Variants in CABYR observed in about 807,000 individuals in gnomAD.
The protein encoded by CABYR is calcium binding tyrosine phosphorylation regulated.
In CABYR, 31 loss-of-function variants were observed where a neutral mutation model predicts 36.1. The ratio of observed to expected loss-of-function variants is 0.86; its 90% CI spans 0.64 to 1.16. The LOEUF is 1.16. Among genes scored for constraint, CABYR ranks in the 50% most tolerant of loss-of-function variants. The probability of loss-of-function intolerance (pLI) is 0.00; values close to 1 mark genes in which losing one functional copy is unlikely to be tolerated. For synonymous variants in CABYR, 146 were observed against 160.7 expected (o/e 0.91, Z 0.69); for missense variants, 429 against 455.8 (o/e 0.94, Z 0.53).
At position 24,159,983 on chromosome 18, in the gene CABYR, A is replaced by C. The variant is rs775634444; in HGVS notation, c.1053A>C (p.Lys351Asn). ...AAAAAAGTTCAGGATCTGGTGACAA[A>C]TGTGCTCCCTTTGGAAGTTACGGTA... The part of the protein sequence containing the change: ...VAKKSSGSGD[K>N]CAPFGSYGIA... Residue 351 changes from lysine (K) to asparagine (N), a missense_variant, in exon 5 of 6, where the codon AAA becomes AAC. Lys to Asn is a moderately conservative substitution (Grantham distance 94). Transcript: ENST00000399496. 6.2e-7 allele frequency: 1 copy of C among 1,614,220 alleles called. No individual in the cohort carries two copies. Among genetic ancestry groups the C allele is most frequent in the Non-Finnish European group, 8.5e-7 (1 of 1,180,040 alleles).
chr18:24,159,353 T>A (rs1599401217), intron 4 of CABYR, 119 bp from the exon 5 acceptor site: 2 of 709,770 alleles, frequency 2.8e-6, no homozygotes, highest in East Asian at 5.0e-5. Context: ...TATAGCATGC[T>A]CTACGGTACA....
At chr18:24,139,171 T>G (rs1271857945) in intron 1 of CABYR, 53 bp downstream of exon 1, 1 of 145,638 alleles carries the variant, frequency 6.9e-6, no homozygotes, top group Non-Finnish European at 1.5e-5. Flanking sequence ...GACCATTATG[T>G]CTCAGGGAGT....
At chr18:24,154,102 C>CAAA (rs33985751) in intron 3 of CABYR, among the ~76,000 whole-genome samples, 22,809 of 57,014 alleles carry the variant, frequency 0.4, 6,873 homozygotes, top group Non-Finnish European at 0.52. Context: ...GACTCCATCT[C>CAAA]AAAAAAAAAA....
intron 3 of CABYR, 37 bp downstream of exon 3, chr18:24,143,450 G>C: frequency 8.3e-7 from 1 of 1,206,834 alleles, no homozygotes; most frequent in Non-Finnish European, 1.2e-6. Flanking sequence ...TAATAATGAT[G>C]TTTATTAATT....
intron 3 of CABYR, among the ~76,000 whole-genome samples, chr18:24,143,833 T>A (rs942269859): frequency 1.3e-5 from 2 of 152,032 alleles, no homozygotes; most frequent in African/African-American, 4.8e-5. Context: ...GAATTGGATT[T>A]CATAGTTATA....
At chr18:24,159,411 C>G (rs1399437528) in intron 4 of CABYR, 61 bp from the exon 5 acceptor site, 1 of 1,109,066 alleles carries the variant, frequency 9.0e-7, no homozygotes, top group Non-Finnish European at 1.3e-6. Flanking sequence ...AAAGACATTA[C>G]TATGCATAGT....
At chr18:24,156,275 G>A (rs770506273) in intron 4 of CABYR, 59 of 1,614,002 alleles carry the variant, frequency 3.7e-5, no homozygotes, top group African/African-American at 9.3e-5. Context: ...AACCATCAAC[G>A]GCTTCCTCAG....
At position 24,145,249 on chromosome 18, in the gene CABYR, GGA is replaced by G. The variant is rs1251407078; in HGVS notation, c.199+1841_199+1842del. Among the ~76,000 whole-genome samples the G allele has an allele frequency of 4.6e-5, 7 of 152,256 alleles. No individual in the cohort carries two copies. The East Asian group carries it at 1.2e-3, about 25-fold the overall frequency. ...GTGCTAGGTGAAATTCAGCAGAGAG[GGA>G]GAGATTTTTCATTTCAGCTATGATA... is the stretch of plus-strand genomic sequence containing the variant. On this transcript the variant is annotated intron_variant, in intron 3 of 5. Transcript: ENST00000399496.
At chr18:24,146,043 C>T (rs749739326) in intron 3 of CABYR, among the ~76,000 whole-genome samples, 3 of 152,138 alleles carry the variant, frequency 2.0e-5, no homozygotes, top group Non-Finnish European at 4.4e-5. Context: ...TTCCAGCATA[C>T]AGTTAAAAAC....
Position 24,149,743 on chromosome 18 carries a change from G to A in CABYR, c.200-5958G>A, listed in dbSNP as rs138769888. Among the ~76,000 whole-genome samples, 95 of 152,216 alleles carry A rather than the reference G, an allele frequency of 6.2e-4. 2 individuals are homozygous for A. The highest frequency in any genetic ancestry group is 2.1e-4 in the Non-Finnish European group (14 of 68,034). Reference sequence around the variant, plus strand: ...CCGGCGAGAAATCAAGCACAGCGCCGGTGGGCTGGCACTGCTGGGGGACCC... The same window carrying A: ...CCGGCGAGAAATCAAGCACAGCGCCAGTGGGCTGGCACTGCTGGGGGACCC... On this transcript the variant is annotated intron_variant, in intron 3 of 5. Transcript: ENST00000399496.
intron 3 of CABYR, among the ~76,000 whole-genome samples, chr18:24,152,461 A>G (rs2145873359): frequency 6.6e-6 from 1 of 152,322 alleles, no homozygotes; most frequent in African/African-American, 2.4e-5. Context: ...ACTATGAGAA[A>G]GTTGCAGGGA....
intron 3 of CABYR, among the ~76,000 whole-genome samples, chr18:24,153,822 G>A (rs1176673525): frequency 1.3e-5 from 2 of 151,826 alleles, no homozygotes; most frequent in African/African-American, 4.8e-5. Context: ...AAGATTTTTC[G>A]GCTGGGTGCG....
Position 24,159,610 on chromosome 18 carries a change from T to TA in CABYR, c.681dup (p.Pro228ThrfsTer2). On this transcript the variant is annotated frameshift_variant, in exon 5 of 6. Transcript: ENST00000399496. LOFTEE classifies it high-confidence loss of function. ...CCTTTTCCCCAAGCAACCCTCTATT[T>TA]ACCTAATCCTAAGGATCCACAGTTT... 1.9e-6 allele frequency: 3 copies of TA among 1,614,074 alleles called. No individual in the cohort carries two copies. The highest frequency in any genetic ancestry group is 2.5e-6 in the Non-Finnish European group (3 of 1,180,022).
At chr18:24,160,202 TGGGGTTACTGTCTCC>T (rs2085918304) in intron 5 of CABYR, 133 bp downstream of exon 5, 1 of 677,194 alleles carries the variant, frequency 1.5e-6, no homozygotes, top group African/African-American at 1.8e-5. Context: ...TCTAACTTCC[TGGGGTTACTGTCTCC>T]AACTTCCTAA....
At chr18:24,147,252 CAAAA>C (rs5823414) in intron 3 of CABYR, among the ~76,000 whole-genome samples, 10 of 96,428 alleles carry the variant, frequency 1.0e-4, no homozygotes, top group African/African-American at 3.5e-4. Flanking sequence ...AACCATGTCT[CAAAA>C]AAAAAAAAAA....
At position 24,150,791 on chromosome 18, in the gene CABYR, T is replaced by A. The variant is rs377364798; in HGVS notation, c.200-4910T>A. Reference sequence around the variant, plus strand: ...TTGTTTTTTTGTTTTTTGTTTTTTTTTTTTTTTGAGACGGAGTCTCACTCT... The same window carrying A: ...TTGTTTTTTTGTTTTTTGTTTTTTTATTTTTTTGAGACGGAGTCTCACTCT... On this transcript the variant is annotated intron_variant, in intron 3 of 5. Coordinates refer to ENST00000399496, the MANE Select transcript of CABYR (RefSeq NM_153769.3). Among the ~76,000 whole-genome samples, 1,263 of 147,980 alleles carry A rather than the reference T, an allele frequency of 8.5e-3. 9 individuals carry two copies. The highest frequency in any genetic ancestry group is 0.027 in the South Asian group (128 of 4,730).
chr18:24,160,297 C>A, intron 5 of CABYR: 1 of 506,904 alleles, frequency 2.0e-6, no homozygotes, highest in Non-Finnish European at 3.5e-6. Context: ...ATTTGATGCC[C>A]GATACATGAA....
At chr18:24,146,206 T>C (rs952401025) in intron 3 of CABYR, among the ~76,000 whole-genome samples, 2 of 151,832 alleles carry the variant, frequency 1.3e-5, no homozygotes, top group East Asian at 3.9e-4. Context: ...AGATGGAAAA[T>C]AGATGAAAAG....
intron 5 of CABYR, 146 bp from the exon 6 acceptor site, chr18:24,161,369 AT>A: frequency 3.6e-6 from 2 of 558,632 alleles, no homozygotes; most frequent in Non-Finnish European, 6.5e-6. Context: ...TTGCTGGGAT[AT>A]TTCAGTGCAA....
Sources: gnomAD v4.1 joint callset for allele counts (sites outside exome capture counted in the v4.1 genomes callset) on GRCh38, gnomAD v4.1.1 for gene constraint, MANE v1.5 for transcripts, NCBI Gene and HGNC (gene_info 2026-07-23, HGNC 2026-07-21) for gene names.